Variants in PIK3R4 observed in about 807,000 individuals in gnomAD.
PIK3R4 encodes the protein phosphoinositide 3-kinase regulatory subunit 4.
A neutral mutation model predicts 136.5 loss-of-function variants in PIK3R4; 46 were observed. The ratio of observed to expected loss-of-function variants is 0.34; its 90% CI spans 0.27 to 0.43. PIK3R4 has a LOEUF of 0.43. PIK3R4 is among the 20% of genes least tolerant of loss of function. The pLI is 1.00. For synonymous variants in PIK3R4, 557 were observed against 566.7 expected (o/e 0.98, Z 0.24); for missense variants, 1,331 against 1,649.5 (o/e 0.81, Z 3.35).
chr3:130,699,975 C>T (rs1357015646), intron 13 of PIK3R4, among the ~76,000 whole-genome samples: 3 of 152,182 alleles, frequency 2.0e-5, no homozygotes, highest in African/African-American at 4.8e-5. Context: ...CCAGAGGGCA[C>T]TATATGAGAG....
In PIK3R4 at chr3:130,734,069, T is replaced by C; in HGVS notation, c.929A>G (p.Gln310Arg). The change falls in exon 4 of 20, where the codon CAG (glutamine) becomes CGG (arginine). Residue 310 changes from glutamine to arginine, a missense_variant. Physicochemically the swap from Gln to Arg is conservative, Grantham distance 43 (BLOSUM62 1). Around this residue, in one of 2 missense-constraint regions of PIK3R4, gnomAD observed 1,180 missense variants for 1,407.0 expected, o/e 0.84. Coordinates refer to ENST00000356763, the MANE Select transcript of PIK3R4 (RefSeq NM_014602.3). ...TTCAGGAAAGGCATTGCCACGCTGC[T>C]GTTTTAAGTAATCTTCTGCCTCTAA... ...KRLEAEDYLK[Q>R]QRGNAFPEIF... is the part of the protein sequence containing the mutation. The C allele has an allele frequency of 1.9e-6, 3 of 1,614,170 alleles. No homozygotes were observed. The highest frequency in any genetic ancestry group is 2.5e-6 in the Non-Finnish European group (3 of 1,179,988).
rs755946049 is a variant in PIK3R4, at chr3:130,686,311, G to A, written c.3375C>T (p.Asp1125=). 2 of 1,613,454 alleles carry A rather than the reference G, an allele frequency of 1.2e-6. No individual in the cohort carries two copies. Among genetic ancestry groups the A allele is most frequent in the Admixed American group, 3.3e-5 (2 of 59,974 alleles). The change falls in exon 15 of 20, where the codon GAC becomes GAT. Residue 1125 remains aspartate (D), a synonymous_variant. Coordinates refer to ENST00000356763, the MANE Select transcript of PIK3R4 (RefSeq NM_014602.3). ...TCCACGCATTGCTTGAAGACCTAAG[G>A]TCCCAGCCAACCAGAGAGCCATTCA... ...ATVNGSLVGW[D]LRSSSNAWTL...
chr3:130,738,352 G>C (rs763593034), intron 2 of PIK3R4, among the ~76,000 whole-genome samples: 1 of 152,076 alleles, frequency 6.6e-6, no homozygotes, highest in Non-Finnish European at 1.5e-5. Flanking sequence ...ATGTAACTCC[G>C]TTGTAAGTTG....
chr3:130,681,766 A>AT (rs1227981975), intron 16 of PIK3R4, among the ~76,000 whole-genome samples, 175 bp from the exon 17 acceptor site: 1 of 152,146 alleles, frequency 6.6e-6, no homozygotes, highest in African/African-American at 2.4e-5. Context: ...TATAGTAAAT[A>AT]TTTTTACTAT....
chr3:130,717,134 G>A (rs960990349), intron 8 of PIK3R4, among the ~76,000 whole-genome samples: 5 of 151,786 alleles, frequency 3.3e-5, no homozygotes, highest in Non-Finnish European at 7.4e-5. Flanking sequence ...ACTGCTAAAA[G>A]TAACCAAGAA....
intron 2 of PIK3R4, among the ~76,000 whole-genome samples, chr3:130,741,841 T>C (rs1289389070): frequency 1.3e-5 from 2 of 152,158 alleles, no homozygotes; most frequent in Non-Finnish European, 2.9e-5. Context: ...CATGTCAAAA[T>C]GAATGAAAGA....
intron 3 of PIK3R4, 148 bp from the exon 4 acceptor site, chr3:130,734,278 C>T: frequency 1.6e-6 from 1 of 644,212 alleles, no homozygotes; most frequent in Non-Finnish European, 2.7e-6. Context: ...TCCTAGAAAG[C>T]AGTAAAAAAT....
Position 130,718,639 on chromosome 3 carries a change from T to A in PIK3R4, c.1982-105A>T, listed in dbSNP as rs567359115. 8 of 1,074,682 alleles carry A rather than the reference T, an allele frequency of 7.4e-6. No individual in the cohort carries two copies. The South Asian group carries it at 1.2e-4, about 16-fold the overall frequency. 66.6% of individuals were successfully genotyped at this position (1,074,682 alleles called of 1,614,324 possible). Reference sequence around the variant, plus strand: ...AACTGACAAAAGGATTTTGCCACAGTGTTACTATCAGGAGCCTTCACATAC... The same window carrying A: ...AACTGACAAAAGGATTTTGCCACAGAGTTACTATCAGGAGCCTTCACATAC... On this transcript the variant is annotated intron_variant, in intron 7 of 19. Coordinates refer to ENST00000356763, the MANE Select transcript of PIK3R4 (RefSeq NM_014602.3).
At chr3:130,734,883 TTAAA>T (rs1237142633) in intron 3 of PIK3R4, among the ~76,000 whole-genome samples, 3 of 152,206 alleles carry the variant, frequency 2.0e-5, no homozygotes, top group Admixed American at 6.5e-5. Context: ...TGTTTACAGT[TTAAA>T]TAAGAGCTTA....
At chr3:130,681,220 A>G in intron 17 of PIK3R4, 155 bp from the exon 18 acceptor site, 1 of 654,540 alleles carries the variant, frequency 1.5e-6, no homozygotes, top group Non-Finnish European at 2.7e-6. Context: ...TATCTACTTC[A>G]ATCTGGCCTT....
intron 7 of PIK3R4, among the ~76,000 whole-genome samples, chr3:130,719,780 A>G (rs1559827045): frequency 1.3e-5 from 2 of 152,234 alleles, no homozygotes; most frequent in Admixed American, 6.5e-5. Context: ...TACAAAGGAT[A>G]CTTCTCTGCC....
intron 4 of PIK3R4, 132 bp downstream of exon 4, chr3:130,733,416 A>G: frequency 1.6e-6 from 1 of 625,390 alleles, no homozygotes; most frequent in East Asian, 2.7e-5. Context: ...AATATTATCA[A>G]AATGTACACA....
intron 8 of PIK3R4, among the ~76,000 whole-genome samples, chr3:130,718,026 T>C (rs2066675541): frequency 6.6e-6 from 1 of 152,202 alleles, no homozygotes; most frequent in South Asian, 2.1e-4. Context: ...TTCTAATTTA[T>C]TATAACTGGA....
intron 5 of PIK3R4, among the ~76,000 whole-genome samples, chr3:130,728,970 T>C (rs2066748245): frequency 6.6e-6 from 1 of 152,178 alleles, no homozygotes; most frequent in Admixed American, 6.5e-5. Context: ...GAGAAAATTA[T>C]AGAGAAGCAC....
At position 130,681,471 on chromosome 3, in the gene PIK3R4, A is replaced by G. The variant is rs756454382; in HGVS notation, c.3708+20T>C. ...TGTGGGGAATAATATCATCCTTTAC[A>G]GTAAAAACTGAAGTCAAACCTGTAA... is the stretch of plus-strand genomic sequence containing the variant. On this transcript the variant is annotated intron_variant, in intron 17 of 19. Transcript: ENST00000356763. The G allele has an allele frequency of 7.2e-7, 1 of 1,389,568 alleles. No homozygotes were observed. Among genetic ancestry groups the G allele is most frequent in the South Asian group, 1.2e-5 (1 of 86,416 alleles). The allele number at this position is 1,389,568 out of a possible 1,614,324, so 86.1% of individuals were successfully genotyped here. A position where few individuals can be genotyped will look rare whatever the true frequency, so the allele number is the denominator to read the frequency against.
intron 4 of PIK3R4, among the ~76,000 whole-genome samples, chr3:130,731,993 A>G (rs2066762287): frequency 6.6e-6 from 1 of 152,194 alleles, no homozygotes; most frequent in South Asian, 2.1e-4. Flanking sequence ...CCTTGAAGAA[A>G]TAACAATGCA....
At chr3:130,725,788 G>T (rs1203553920) in intron 6 of PIK3R4, 1 of 151,844 alleles carries the variant, frequency 6.6e-6, no homozygotes, top group Non-Finnish European at 1.5e-5. Flanking sequence ...CCAAAATAAT[G>T]AATTTTAAAA....
At chr3:130,745,618 T>C (rs1477374650) in intron 1 of PIK3R4, among the ~76,000 whole-genome samples, 4 of 152,364 alleles carry the variant, frequency 2.6e-5, no homozygotes, top group Non-Finnish European at 5.9e-5. Context: ...AATGAGCCTT[T>C]ACTATGTGTT....
Position 130,679,037 on chromosome 3 carries a change from CAT to C in PIK3R4, c.*276_*277del, listed in dbSNP as rs936828849. 3 of 191,966 alleles carry C rather than the reference CAT, an allele frequency of 1.6e-5. No individual in the cohort carries two copies. The highest frequency in any genetic ancestry group is 1.8e-4 in the South Asian group (1 of 5,666). 11.9% of individuals were successfully genotyped at this position (191,966 alleles called of 1,614,324 possible). On this transcript the variant is annotated 3_prime_UTR_variant, in exon 20 of 20. Transcript: ENST00000356763. Reference sequence around the variant, plus strand: ...ACCATCTTTTTCAATACAAAATAAACATATTCATTTTCATATTTTACATTTCT... The same window carrying C: ...ACCATCTTTTTCAATACAAAATAAACATTCATTTTCATATTTTACATTTCT...
Sources: allele counts gnomAD v4.1 joint callset (sites outside exome capture counted in the v4.1 genomes callset), GRCh38; gene constraint gnomAD v4.1.1; regional missense constraint gnomAD v4.1.1; transcripts MANE v1.5; gene names NCBI Gene and HGNC (gene_info 2026-07-23, HGNC 2026-07-21).